NFE2L3: variants seen among roughly 807,000 people sequenced by gnomAD.
NFE2L3 encodes the protein NFE2 like bZIP transcription factor 3, also known as nuclear factor erythroid 2-related factor 3.
A neutral mutation model predicts 23.5 loss-of-function variants in NFE2L3; 18 were observed. The observed-to-expected ratio is 0.77, with a 90% CI of 0.53 to 1.13. The LOEUF (loss-of-function observed/expected upper bound fraction) is 1.13. NFE2L3 is among the 50% of genes most tolerant of loss of function. The probability of loss-of-function intolerance (pLI) is 0.00; values close to 1 mark genes in which losing one functional copy is unlikely to be tolerated. For synonymous variants in NFE2L3, 424 were observed against 354.5 expected (o/e 1.20, Z -2.20); for missense variants, 1,152 against 877.2 (o/e 1.31, Z -3.96).
chr7:26,160,895 T>C (rs1328452415), intron 1 of NFE2L3, among the ~76,000 whole-genome samples: 1 of 152,220 alleles, frequency 6.6e-6, no homozygotes, highest in Non-Finnish European at 1.5e-5. Flanking sequence ...AATTGGTAAA[T>C]GGAGAAAATT....
Position 26,177,968 on chromosome 7 carries a change from A to G in NFE2L3, c.596A>G (p.His199Arg), listed in dbSNP as rs1044239343. ...GAGAATGGGGTACTAAGAGAAAAGC[A>G]CGAAGCTGTGGATCATAGTTCCCAG... Reference protein sequence around the residue: ...SEENGVLREKHEAVDHSSQHE... With the variant: ...SEENGVLREKREAVDHSSQHE... The change falls in exon 2 of 4, where the codon CAC becomes CGC. Residue 199 changes from histidine (H) to arginine (R), a missense_variant. By Grantham distance (29) the His-to-Arg change is conservative. Coordinates refer to ENST00000056233, the MANE Select transcript of NFE2L3 (RefSeq NM_004289.7). 4.3e-6 allele frequency: 7 copies of G among 1,613,622 alleles called. No individual in the cohort carries two copies. In the African/African-American group the frequency reaches 8.0e-5, roughly 18 times the overall value.
At chr7:26,181,113 CTA>C (rs1784499355) in intron 2 of NFE2L3, among the ~76,000 whole-genome samples, 1 of 152,022 alleles carries the variant, frequency 6.6e-6, no homozygotes, top group Non-Finnish European at 1.5e-5. Context: ...GTAACTGGGG[CTA>C]TAGGTGCACA....
intron 2 of NFE2L3, among the ~76,000 whole-genome samples, chr7:26,180,016 A>C (rs1339570581): frequency 6.6e-6 from 1 of 152,100 alleles, no homozygotes; most frequent in Non-Finnish European, 1.5e-5. Flanking sequence ...CGTGGTATAC[A>C]TGCATCTCAC....
intron 3 of NFE2L3, 136 bp downstream of exon 3, chr7:26,183,920 A>C: frequency 3.2e-6 from 2 of 630,310 alleles, no homozygotes. Context: ...TTCAGCTTAG[A>C]ATTAACCAAA....
chr7:26,175,866 T>G (rs1031709356), intron 1 of NFE2L3, among the ~76,000 whole-genome samples: 38 of 150,186 alleles, frequency 2.5e-4, no homozygotes, highest in African/African-American at 9.2e-4. Flanking sequence ...TTTTTTTTTT[T>G]TTTTTTAGTA....
rs751524419 is a variant in NFE2L3, at chr7:26,184,712, A to T, written c.1014A>T (p.Ser338=). Residue 338 remains serine (S), a synonymous_variant, in exon 4 of 4, where the codon TCA becomes TCT. Transcript: ENST00000056233. ...RRDPTARTSQ[S]QEPFLQLNSH... ...ATCCAACAGCAAGGACTTCACAGTC[A>T]CAAGAACCATTTCTGCAGTTAAATT... The T allele has an allele frequency of 1.2e-6, 2 of 1,613,938 alleles. No individual in the cohort carries two copies. The highest frequency in any genetic ancestry group is 1.7e-6 in the Non-Finnish European group (2 of 1,179,850).
In NFE2L3 at chr7:26,176,732, G is replaced by A. The variant is rs1451391035; in HGVS notation, c.571-1211G>A. Among the ~76,000 whole-genome samples the A allele has an allele frequency of 1.5e-3, 87 of 56,676 alleles. 12 individuals carry two copies. Among genetic ancestry groups the A allele is most frequent in the African/African-American group, 4.9e-3 (43 of 8,710 alleles). The allele number at this position is 56,676 out of a possible 152,430, so 37.2% of individuals were successfully genotyped here. A position where few individuals can be genotyped will look rare whatever the true frequency, so the allele number is the denominator to read the frequency against. ...CAGAGGCGCTCCTCACATCCCAGAC[G>A]ATGGGCAGCCGGGCAGAGGCGCTCC... is the stretch of plus-strand genomic sequence containing the variant. On this transcript the variant is annotated intron_variant, in intron 1 of 3. Coordinates refer to ENST00000056233, the MANE Select transcript of NFE2L3 (RefSeq NM_004289.7).
Position 26,181,430 on chromosome 7 carries a change from ATATC to A in NFE2L3, c.751-2268_751-2265del, listed in dbSNP as rs1203385999. On this transcript the variant is annotated intron_variant, in intron 2 of 3. Transcript: ENST00000056233. Reference sequence around the variant, plus strand: ...TCTTCCAGATGACAACTCTGGAAGAATATCTAGGAAATGGGGACTGGTACAATTC... The same window carrying A: ...TCTTCCAGATGACAACTCTGGAAGAATAGGAAATGGGGACTGGTACAATTC... 2.0e-5 allele frequency among the ~76,000 whole-genome samples: 3 copies of A among 152,336 alleles called. No individual in the cohort carries two copies. In the East Asian group the frequency reaches 5.8e-4, roughly 29 times the overall value.
Position 26,184,828 on chromosome 7 carries a change from G to C in NFE2L3, c.1130G>C (p.Ser377Thr). Residue 377 changes from serine to threonine, a missense_variant, in exon 4 of 4, where the codon AGC becomes ACC. By Grantham distance (58) the Ser-to-Thr change is moderately conservative. Coordinates refer to ENST00000056233, the MANE Select transcript of NFE2L3 (RefSeq NM_004289.7). ...GACAATCATATGAGGAATCTAACAA[G>C]CCAAGACCTACTGTATGACCTTGAC... ...PVDNHMRNLT[S>T]QDLLYDLDIN... 2 of 1,613,962 alleles carry C rather than the reference G, an allele frequency of 1.2e-6. No homozygotes were observed. The highest frequency in any genetic ancestry group is 1.7e-6 in the Non-Finnish European group (2 of 1,179,840).
intron 1 of NFE2L3, among the ~76,000 whole-genome samples, chr7:26,157,436 C>T (rs548363004): frequency 4.9e-4 from 75 of 152,092 alleles, no homozygotes; most frequent in Non-Finnish European, 9.6e-4. Context: ...AGCTACTGCA[C>T]CTGGCCTCAA....
chr7:26,185,903 A>G lies in NFE2L3; in HGVS notation c.*120A>G. The stretch of plus-strand genomic sequence containing the variant: ...ATCTTTAAGTACTGCTACTTGAATA[A>G]CTCAGTTAACGCTGTTTTGAAGCTT... On this transcript the variant is annotated 3_prime_UTR_variant, in exon 4 of 4. Transcript: ENST00000056233. 1.2e-6 allele frequency: 1 copy of G among 821,522 alleles called. No individual in the cohort carries two copies. The highest frequency in any genetic ancestry group is 2.0e-5 in the South Asian group (1 of 49,358). 50.9% of individuals were successfully genotyped at this position (821,522 alleles called of 1,614,324 possible).
rs547844634 is a variant in NFE2L3 at position 26,183,909 on chromosome 7, CT to C, written c.834+127del. On this transcript the variant is annotated intron_variant, in intron 3 of 3. Transcript: ENST00000056233. ...AGTAATGCTTATTTTTACAGAAGCA[CT>C]TCAGCTTAGAATTAACCAAATATGT... 1.3e-4 allele frequency: 90 copies of C among 668,844 alleles called. 1 individual carries two copies. In the African/African-American group the frequency reaches 1.6e-3, roughly 12 times the overall value. 41.4% of individuals were successfully genotyped at this position (668,844 alleles called of 1,614,324 possible). A position where few individuals can be genotyped will look rare whatever the true frequency, so the allele number is the denominator to read the frequency against.
At chr7:26,159,218 C>G (rs1377455300) in intron 1 of NFE2L3, among the ~76,000 whole-genome samples, 1 of 152,200 alleles carries the variant, frequency 6.6e-6, no homozygotes, top group Admixed American at 6.5e-5. Context: ...CAGGAGAAAA[C>G]TTTCTTCATC....
At chr7:26,178,184 G>C in intron 2 of NFE2L3, 62 bp downstream of exon 2, 1 of 1,447,870 alleles carries the variant, frequency 6.9e-7, no homozygotes, top group Non-Finnish European at 9.4e-7. Context: ...TTGTGGCATT[G>C]ACAGTTTGTG....
intron 1 of NFE2L3, among the ~76,000 whole-genome samples, chr7:26,175,312 A>G (rs991992073): frequency 6.6e-6 from 1 of 152,006 alleles, no homozygotes; most frequent in African/African-American, 2.4e-5. Flanking sequence ...GTGAGCCGAG[A>G]TCTCGCCACT....
At chr7:26,160,793 A>G (rs1784154886) in intron 1 of NFE2L3, among the ~76,000 whole-genome samples, 1 of 152,240 alleles carries the variant, frequency 6.6e-6, no homozygotes, top group South Asian at 2.1e-4. Flanking sequence ...ACTTAATAGA[A>G]TGACTTAAGA....
chr7:26,159,170 A>AGCT (rs1583926275), intron 1 of NFE2L3, among the ~76,000 whole-genome samples: 1 of 152,244 alleles, frequency 6.6e-6, no homozygotes, highest in East Asian at 1.9e-4. Context: ...CCCAGCCCCC[A>AGCT]GCTGCTCTTG....
chr7:26,165,683 T>C (rs911535569), intron 1 of NFE2L3, among the ~76,000 whole-genome samples: 7 of 152,112 alleles, frequency 4.6e-5, no homozygotes, highest in African/African-American at 1.7e-4. Context: ...TCCAACACTA[T>C]GTTGAATAGG....
chr7:26,184,662 T>C lies in NFE2L3; in HGVS notation c.964T>C (p.Cys322Arg). The change falls in exon 4 of 4, where the codon TGT (cysteine) becomes CGT (arginine). Residue 322 changes from cysteine (C) to arginine (R), a missense_variant. By Grantham distance (180) the Cys-to-Arg change is radical (BLOSUM62 -3). Transcript: ENST00000056233. The part of the protein sequence containing the change: ...DVNLHEAILL[C>R]PNNTFRRDPT... ...GAATCTTCATGAGGCCATCTTGCTT[T>C]GTCCCAACAATACATTTAGAAGAGA... 6.2e-7 allele frequency: 1 copy of C among 1,613,966 alleles called. No homozygotes were observed. The highest frequency in any genetic ancestry group is 8.5e-7 in the Non-Finnish European group (1 of 1,179,860).
Sources: allele counts gnomAD v4.1 joint callset (sites outside exome capture counted in the v4.1 genomes callset), GRCh38; gene constraint gnomAD v4.1.1; transcripts MANE v1.5; gene names NCBI Gene and HGNC (gene_info 2026-07-23, HGNC 2026-07-21).